NALF1: variants seen among roughly 807,000 people sequenced by gnomAD.
NALF1 encodes the protein NALCN channel auxiliary factor 1, also known as family with sequence similarity 155 member A.
Under a neutral mutation model 48.4 loss-of-function variants are expected in NALF1, and 3 were observed. The ratio of observed to expected loss-of-function variants is 0.06; its 90% confidence interval spans 0.03 to 0.16. The LOEUF (loss-of-function observed/expected upper bound fraction) is 0.16. NALF1 is among the 10% of genes least tolerant of loss of function. The pLI is 1.00. For missense variants in NALF1, 526 were observed against 571.5 expected (o/e 0.92, Z 0.81); for synonymous variants, 262 against 245.7 (o/e 1.07, Z -0.62).
intron 2 of NALF1, among the ~76,000 whole-genome samples, chr13:107,204,811 T>G (rs1879600141): frequency 1.3e-5 from 2 of 152,164 alleles, no homozygotes; most frequent in South Asian, 2.1e-4. Flanking sequence ...TGAGATTAAA[T>G]GATGCTATAA....
At chr13:107,615,529 G>T (rs116399097) in intron 1 of NALF1, among the ~76,000 whole-genome samples, 1,991 of 152,232 alleles carry the variant, frequency 0.013, 37 homozygotes, top group African/African-American at 0.046. Flanking sequence ...TAAGATGATG[G>T]TGTGCCAAAA....
At chr13:107,727,047 T>C (rs1876178193) in intron 1 of NALF1, among the ~76,000 whole-genome samples, 1 of 149,140 alleles carries the variant, frequency 6.7e-6, no homozygotes, top group East Asian at 2.1e-4. Context: ...CCTGACCTCA[T>C]GATCCTCCCT....
At chr13:107,842,722 A>G (rs1314368937) in intron 1 of NALF1, among the ~76,000 whole-genome samples, 1 of 152,018 alleles carries the variant, frequency 6.6e-6, no homozygotes, top group Non-Finnish European at 1.5e-5. Flanking sequence ...AAGCTAATAA[A>G]TCTCTGACAA....
chr13:107,742,284 C>T (rs1463036733), intron 1 of NALF1, among the ~76,000 whole-genome samples: 1 of 152,190 alleles, frequency 6.6e-6, no homozygotes, highest in African/African-American at 2.4e-5. Context: ...TGTAGACCAA[C>T]CAACCTACCT....
At chr13:107,456,897 T>C (rs1214572470) in intron 1 of NALF1, among the ~76,000 whole-genome samples, 1 of 152,200 alleles carries the variant, frequency 6.6e-6, no homozygotes, top group Non-Finnish European at 1.5e-5. Context: ...AGACAAGTTA[T>C]CTATCACCTT....
At chr13:107,442,185 G>T (rs965451909) in intron 1 of NALF1, among the ~76,000 whole-genome samples, 6 of 152,032 alleles carry the variant, frequency 3.9e-5, no homozygotes, top group Admixed American at 2.0e-4. Flanking sequence ...GAGAAAGAGG[G>T]AGAGAGAGGG....
chr13:107,410,551 T>C (rs1467472621), intron 1 of NALF1, among the ~76,000 whole-genome samples: 1 of 152,094 alleles, frequency 6.6e-6, no homozygotes, highest in Non-Finnish European at 1.5e-5. Flanking sequence ...CAATTAAAAA[T>C]ACACATACAT....
chr13:107,350,925 C>T (rs1228956253), intron 1 of NALF1, among the ~76,000 whole-genome samples: 2 of 152,164 alleles, frequency 1.3e-5, no homozygotes, highest in Admixed American at 1.3e-4. Flanking sequence ...ACTAGGAGAC[C>T]ACTGGGGTAT....
At chr13:107,792,565 G>C (rs1369503797) in intron 1 of NALF1, among the ~76,000 whole-genome samples, 1 of 152,180 alleles carries the variant, frequency 6.6e-6, no homozygotes, top group East Asian at 1.9e-4. Flanking sequence ...TGTAAGTGCA[G>C]TGTCCACATA....
chr13:107,273,746 G>A (rs960690110), intron 1 of NALF1, among the ~76,000 whole-genome samples: 6 of 152,208 alleles, frequency 3.9e-5, no homozygotes, highest in South Asian at 2.1e-4. Flanking sequence ...GTGAAATAAC[G>A]GCTCTTTTTG....
chr13:107,405,727 A>G (rs904104603), intron 1 of NALF1, among the ~76,000 whole-genome samples: 1 of 152,068 alleles, frequency 6.6e-6, no homozygotes, highest in Non-Finnish European at 1.5e-5. Flanking sequence ...AAACACCTCA[A>G]CTATGCCATT....
At chr13:107,241,173 G>A (rs1439860843) in intron 1 of NALF1, among the ~76,000 whole-genome samples, 2 of 151,644 alleles carry the variant, frequency 1.3e-5, no homozygotes, top group Non-Finnish European at 2.9e-5. Context: ...CAGCTTGGGC[G>A]ACAGGGTAAG....
At chr13:107,322,283 T>G (rs1182553423) in intron 1 of NALF1, among the ~76,000 whole-genome samples, 4 of 152,156 alleles carry the variant, frequency 2.6e-5, no homozygotes, top group African/African-American at 9.7e-5. Flanking sequence ...TACATACATA[T>G]CTATCTCTTA....
intron 1 of NALF1, among the ~76,000 whole-genome samples, chr13:107,285,281 C>T (rs1881470625): frequency 6.6e-6 from 1 of 152,122 alleles, no homozygotes; most frequent in African/African-American, 2.4e-5. Context: ...ACACATATGC[C>T]CTAGATATAT....
chr13:107,388,485 A>C (rs1401203169), intron 1 of NALF1, among the ~76,000 whole-genome samples: 3 of 152,160 alleles, frequency 2.0e-5, no homozygotes, highest in African/African-American at 7.2e-5. Context: ...TGAATGCTTC[A>C]AAAATTAGGA....
intron 1 of NALF1, among the ~76,000 whole-genome samples, chr13:107,460,354 C>A (rs909439303): frequency 6.6e-6 from 1 of 152,212 alleles, no homozygotes; most frequent in Non-Finnish European, 1.5e-5. Context: ...CTACTCTTTA[C>A]ATAACATCCA....
At chr13:107,565,891 G>T (rs1209824807) in intron 1 of NALF1, among the ~76,000 whole-genome samples, 4 of 152,134 alleles carry the variant, frequency 2.6e-5, no homozygotes, top group African/African-American at 9.7e-5. Flanking sequence ...GCAGCCTCTT[G>T]CAGGAAAACA....
chr13:107,680,948 A>AGTGTGTGTGT (rs140128926), intron 1 of NALF1, among the ~76,000 whole-genome samples: 2 of 129,974 alleles, frequency 1.5e-5, no homozygotes, highest in East Asian at 2.3e-4. Flanking sequence ...TGAGTGTAAC[A>AGTGTGTGTGT]GTGTGTGTGT....
chr13:107,385,156 A>G (rs1028423205), intron 1 of NALF1, among the ~76,000 whole-genome samples: 5 of 152,230 alleles, frequency 3.3e-5, no homozygotes, highest in African/African-American at 1.2e-4. Context: ...AGCTAACAAT[A>G]ACAATATCTC....
Sources: allele counts gnomAD v4.1 joint callset (sites outside exome capture counted in the v4.1 genomes callset), GRCh38; gene constraint gnomAD v4.1.1; transcripts MANE v1.5; gene names NCBI Gene and HGNC (gene_info 2026-07-23, HGNC 2026-07-21).